The following COL9A3 variants were observed in gnomAD, a reference collection of about 807,000 sequenced individuals.
The protein encoded by COL9A3 is collagen type IX alpha 3 chain.
A neutral mutation model predicts 110.2 loss-of-function variants in COL9A3; 82 were observed. That is an observed-to-expected ratio of 0.74 (90% CI 0.62 to 0.89). COL9A3 has a LOEUF of 0.89. Ranked by LOEUF, COL9A3 falls within the 40% of genes least tolerant of loss-of-function variation. The probability of loss-of-function intolerance (pLI) is 0.00; values close to 1 mark genes in which losing one functional copy is unlikely to be tolerated. For synonymous variants in COL9A3, 494 were observed against 403.8 expected (o/e 1.22, Z -2.68); for missense variants, 1,066 against 981.3 (o/e 1.09, Z -1.15).
In COL9A3 at chr20:62,826,199, C is replaced by T. The variant is rs1230431616; in HGVS notation, c.685-5C>T. ...AGCCTCTGCATCTGTGCCTCTCTCT[C>T]GCAGGGCCCCCGGGGATTACGAGGA... On this transcript the variant is annotated splice_region_variant and splice_polypyrimidine_tract_variant and intron_variant, in intron 13 of 31. Transcript: ENST00000649368. The T allele has an allele frequency of 3.3e-5, 52 of 1,559,142 alleles. No homozygotes were observed. Among genetic ancestry groups the T allele is most frequent in the Non-Finnish European group, 4.3e-5 (50 of 1,152,256 alleles).
In COL9A3 at chr20:62,837,158, G is replaced by A. The variant is rs886056911; in HGVS notation, c.1679G>A (p.Gly560Asp). 5 of 1,612,846 alleles carry A rather than the reference G, an allele frequency of 3.1e-6. No homozygotes were observed. Among genetic ancestry groups the A allele is most frequent in the Non-Finnish European group, 4.2e-6 (5 of 1,179,918 alleles). The change falls in exon 30 of 32, where the codon GGC becomes GAC. Residue 560 changes from glycine to aspartate, a missense_variant. Physicochemically the swap from Gly to Asp is moderately conservative, Grantham distance 94. Transcript: ENST00000649368. ...TCCATTGGTCGGCCCGGTCCAGCTG[G>A]CCCCCCTGGGCCCCCAGGACCCCCA... ...PGSIGRPGPA[G>D]PPGPPGPPGS...
At chr20:62,832,818 T>C in intron 25 of COL9A3, 1 of 555,514 alleles carries the variant, frequency 1.8e-6, no homozygotes. Flanking sequence ...ATGTCTTCCG[T>C]TTTTTGGCCC....
At chr20:62,821,650 C>A in intron 7 of COL9A3, 107 bp from the exon 8 acceptor site, 1 of 1,549,244 alleles carries the variant, frequency 6.5e-7, no homozygotes. Context: ...ATCTGACCAC[C>A]CCATACTTGG....
rs373519549 is a variant in COL9A3, at chr20:62,830,403, G to A, written c.1205G>A (p.Arg402Gln). 15 of 1,569,440 alleles carry A rather than the reference G, an allele frequency of 9.6e-6. No homozygotes were observed. Among genetic ancestry groups the A allele is most frequent in the African/African-American group, 2.7e-5 (2 of 73,894 alleles). ...PQGPPGAPGVRGFQGQKGSMG... is the reference protein window; with the variant it reads ...PQGPPGAPGVQGFQGQKGSMG... ...GGCCCTCCCGGAGCCCCTGGTGTCC[G>A]AGGCTTCCAGGTGGGTGAGGTTGGG... is the stretch of plus-strand genomic sequence containing the variant. The change falls in exon 23 of 32, where the codon CGA becomes CAA. Residue 402 changes from arginine to glutamine, a missense_variant. Physicochemically the swap from Arg to Gln is conservative, Grantham distance 43. Transcript: ENST00000649368.
chr20:62,827,325 C>T, intron 16 of COL9A3, 31 bp downstream of exon 16: 4 of 1,609,274 alleles, frequency 2.5e-6, no homozygotes, highest in Non-Finnish European at 1.7e-6. Context: ...TTCCCTGGGT[C>T]CTTATGTGGA....
At chr20:62,828,307 T>G (rs1360259964) in intron 17 of COL9A3, among the ~76,000 whole-genome samples, 3 of 152,166 alleles carry the variant, frequency 2.0e-5, no homozygotes, top group Non-Finnish European at 2.9e-5. Flanking sequence ...GTGCCCACCC[T>G]CAGCCCAGAC....
chr20:62,833,156 TGCAGCTCCCGGTGGAAGATCG>T, intron 26 of COL9A3, 92 bp downstream of exon 26: 1 of 1,050,340 alleles, frequency 9.5e-7, no homozygotes, highest in Non-Finnish European at 1.5e-6. Context: ...GGTCAAAATC[TGCAGCTCCCGGTGGAAGATCG>T]GCAGCTCTGC....
chr20:62,816,348 C>G (rs1226690946), upstream of COL9A3: 1 of 152,312 alleles, frequency 6.6e-6, no homozygotes, highest in East Asian at 1.9e-4. Flanking sequence ...TCCTTCAGGC[C>G]GGGGATCCCG....
chr20:62,837,414 G>T, intron 30 of COL9A3, 149 bp downstream of exon 30: 1 of 759,916 alleles, frequency 1.3e-6, no homozygotes. Flanking sequence ...GCCTAGCGCA[G>T]TTAACTCCTT....
At chr20:62,829,710 C>T (rs1434862486) in intron 21 of COL9A3, 29 bp downstream of exon 21, 1 of 1,600,764 alleles carries the variant, frequency 6.2e-7, no homozygotes, top group Non-Finnish European at 8.5e-7. Flanking sequence ...CCAGACCCCT[C>T]CCCATCCAGC....
Position 62,817,069 on chromosome 20 carries a change from C to T in COL9A3, c.5C>T (p.Ala2Val), listed in dbSNP as rs931833174. Residue 2 changes from alanine to valine, a missense_variant, in exon 1 of 32, where the codon GCC (alanine) becomes GTC (valine). Ala to Val is a moderately conservative substitution (Grantham distance 64). Transcript: ENST00000649368. M[A>V]GPRACAPLLL... ...CAGCTCAGACTCCGCTCAGCCATGG[C>T]CGGGCCGCGCGCGTGCGCCCCGCTC... 5.8e-6 allele frequency: 8 copies of T among 1,377,954 alleles called. No homozygotes were observed. The African/African-American group carries it at 1.1e-4, about 18-fold the overall frequency. The allele number at this position is 1,377,954 out of a possible 1,614,324, so 85.4% of individuals were successfully genotyped here. A position where few individuals can be genotyped will look rare whatever the true frequency, so the allele number is the denominator to read the frequency against.
intron 25 of COL9A3, 189 bp from the exon 26 acceptor site, chr20:62,832,831 C>A: frequency 1.7e-6 from 1 of 596,676 alleles, no homozygotes; most frequent in East Asian, 2.8e-5. Context: ...TTTGGCCCCG[C>A]CCCTGCCTGC....
chr20:62,834,624 T>C (rs774166470), intron 26 of COL9A3, among the ~76,000 whole-genome samples: 3 of 151,994 alleles, frequency 2.0e-5, no homozygotes, highest in Non-Finnish European at 4.4e-5. Flanking sequence ...CTCAGTTGTA[T>C]GTGTTTCATT....
chr20:62,838,897 T>C, intron 31 of COL9A3, 136 bp downstream of exon 31: 1 of 795,036 alleles, frequency 1.3e-6, no homozygotes, highest in Non-Finnish European at 2.2e-6. Flanking sequence ...GAGACAAGAT[T>C]AGGAATTGTC....
Position 62,829,773 on chromosome 20 carries a change from C to G in COL9A3, c.1115C>G (p.Ala372Gly). Residue 372 changes from alanine (A) to glycine (G), a missense_variant, in exon 22 of 32, where the codon GCT becomes GGT. Physicochemically the swap from Ala to Gly is moderately conservative, Grantham distance 60. Coordinates refer to ENST00000649368, the MANE Select transcript of COL9A3 (RefSeq NM_001853.4). ...TCCTTCCTTTCCCTGTAGGGAGATG[C>G]TGGCATGCCTGGGGAGCGCGGTGAG... ...PSGEPGVPGDAGMPGERGEAG... is the reference protein window; with the variant it reads ...PSGEPGVPGDGGMPGERGEAG... 1 of 1,590,390 alleles carries G rather than the reference C, an allele frequency of 6.3e-7. No homozygotes were observed. The highest frequency in any genetic ancestry group is 1.1e-5 in the South Asian group (1 of 87,556).
intron 20 of COL9A3, 56 bp from the exon 21 acceptor site, chr20:62,829,572 C>T: frequency 6.2e-6 from 10 of 1,609,028 alleles, no homozygotes; most frequent in Non-Finnish European, 8.5e-6. Context: ...GGGGGGCCAG[C>T]GACCTGGCCC....
Position 62,819,328 on chromosome 20 carries a change from TCC to T in COL9A3, c.255+38_255+39del, listed in dbSNP as rs200945571. The T allele has an allele frequency of 0.014, 22,949 of 1,587,232 alleles. 277 individuals are homozygous for T. The highest frequency in any genetic ancestry group is 0.042 in the South Asian group (3,721 of 88,724). On this transcript the variant is annotated intron_variant, in intron 4 of 31. Coordinates refer to ENST00000649368, the MANE Select transcript of COL9A3 (RefSeq NM_001853.4). Reference sequence around the variant, plus strand: ...CCTGCCCCTCCCCGCCATGCCCCACTCCCCGCTCCGGGTCCCTGGAGGAGTCC... The same window carrying T: ...CCTGCCCCTCCCCGCCATGCCCCACTCCGCTCCGGGTCCCTGGAGGAGTCC...
chr20:62,821,470 T>C, intron 6 of COL9A3, 37 bp from the exon 7 acceptor site: 1 of 1,612,796 alleles, frequency 6.2e-7, no homozygotes. Context: ...GCCCTTCTTG[T>C]GCCTGGCAGG....
intron 24 of COL9A3, 126 bp from the exon 25 acceptor site, chr20:62,832,028 C>A: frequency 1.0e-6 from 1 of 990,982 alleles, no homozygotes; most frequent in Non-Finnish European, 1.6e-6. Context: ...AGCCGGTGTT[C>A]ACAGAAGCCC....
Sources: allele counts gnomAD v4.1 joint callset (sites outside exome capture counted in the v4.1 genomes callset), GRCh38; gene constraint gnomAD v4.1.1; transcripts MANE v1.5; gene names NCBI Gene and HGNC (gene_info 2026-07-23, HGNC 2026-07-21).